Variants in BROX observed in about 807,000 individuals in gnomAD.
BROX encodes BRO1 domain-containing protein BROX.
A neutral mutation model predicts 61.0 loss-of-function variants in BROX; 53 were observed. The ratio of observed to expected loss-of-function variants is 0.87; its 90% CI spans 0.70 to 1.09. The LOEUF is 1.09. Ranked by LOEUF, BROX falls within the 50% of genes least tolerant of loss-of-function variation. BROX has a pLI of 0.00. For missense variants in BROX, 489 were observed against 472.0 expected (o/e 1.04, Z -0.33); for synonymous variants, 152 against 160.2 (o/e 0.95, Z 0.38).
chr1:222,734,184 TTAGA>T lies in BROX; in HGVS notation c.*1474_*1477del, dbSNP rs547041632. 10 of 152,192 alleles carry T rather than the reference TTAGA, an allele frequency of 6.6e-5. No individual in the cohort carries two copies. The highest frequency in any genetic ancestry group is 2.6e-4 in the Admixed American group (4 of 15,278). The allele number at this position is 152,192 out of a possible 1,614,324, so 9.4% of individuals were successfully genotyped here. A position where few individuals can be genotyped will look rare whatever the true frequency, so the allele number is the denominator to read the frequency against. On this transcript the variant is annotated 3_prime_UTR_variant, in exon 13 of 13. Transcript: ENST00000340934. ...ATCTTTTGATTATTCTCCTGAGGCA[TTAGA>T]TAGTTTTTCTATTATAAGTGACAGA...
At chr1:222,725,045 G>C (rs1001450338) in intron 6 of BROX, among the ~76,000 whole-genome samples, 1 of 151,932 alleles carries the variant, frequency 6.6e-6, no homozygotes, top group Non-Finnish European at 1.5e-5. Context: ...CACCTGCCTC[G>C]GCCTCCCAAA....
intron 4 of BROX, among the ~76,000 whole-genome samples, 159 bp downstream of exon 4, chr1:222,719,518 G>C (rs1209554140): frequency 6.6e-6 from 1 of 152,140 alleles, no homozygotes; most frequent in Non-Finnish European, 1.5e-5. Context: ...CTCAATCCTA[G>C]TACATAATAA....
intron 11 of BROX, 97 bp downstream of exon 11, chr1:222,730,274 C>G (rs1657840377): frequency 1.1e-6 from 1 of 920,564 alleles, no homozygotes; most frequent in Non-Finnish European, 1.5e-6. Context: ...CTGTTAGTCT[C>G]TATTCCCAAA....
chr1:222,715,537 G>A (rs555367823), intron 1 of BROX, 147 bp from the exon 2 acceptor site: 115 of 348,624 alleles, frequency 3.3e-4, no homozygotes, highest in African/African-American at 1.9e-3. Context: ...GTGAAACCCC[G>A]TCTCTACTAA....
intron 10 of BROX, 151 bp downstream of exon 10, chr1:222,729,852 G>A: frequency 1.9e-6 from 2 of 1,057,518 alleles, no homozygotes; most frequent in Non-Finnish European, 2.7e-6. Flanking sequence ...AAATGTTTCA[G>A]AAACCTAGAA....
In BROX at chr1:222,719,186, T is replaced by C. The variant is rs370537093; in HGVS notation, c.209-77T>C. 13 of 1,320,378 alleles carry C rather than the reference T, an allele frequency of 9.8e-6. No homozygotes were observed. The South Asian group carries it at 1.1e-4, about 12-fold the overall frequency. 81.8% of individuals were successfully genotyped at this position (1,320,378 alleles called of 1,614,324 possible). A position where few individuals can be genotyped will look rare whatever the true frequency, so the allele number is the denominator to read the frequency against. ...CATTCAGACACCTGGAAAAGTAATC[T>C]GAAAATTTTTCCAAACAGAACACTC... On this transcript the variant is annotated intron_variant, in intron 3 of 12. Transcript: ENST00000340934.
chr1:222,727,346 C>T, intron 8 of BROX, 89 bp downstream of exon 8: 2 of 918,128 alleles, frequency 2.2e-6, no homozygotes, highest in Admixed American at 2.4e-5. Context: ...AAAGGGTTCT[C>T]AGATTCTGTC....
Position 222,724,124 on chromosome 1 carries a change from G to A in BROX, c.434G>A (p.Arg145Gln), listed in dbSNP as rs779543560. Reference protein sequence around the residue: ...ITEDEAKEVHRSLKIAAGIFK... With the variant: ...ITEDEAKEVHQSLKIAAGIFK... ...GAAGATGAAGCAAAAGAAGTTCATCGAAGCCTAAAGATTGCAGCTGGGATT... is the reference window on the plus strand; with the variant it reads ...GAAGATGAAGCAAAAGAAGTTCATCAAAGCCTAAAGATTGCAGCTGGGATT... The change falls in exon 6 of 13, where the codon CGA becomes CAA. Residue 145 changes from arginine (R) to glutamine (Q), a missense_variant. By Grantham distance (43) the Arg-to-Gln change is conservative (BLOSUM62 1). Coordinates refer to ENST00000340934, the MANE Select transcript of BROX (RefSeq NM_144695.4). 19 of 1,611,400 alleles carry A rather than the reference G, an allele frequency of 1.2e-5. No individual in the cohort carries two copies. Among genetic ancestry groups the A allele is most frequent in the South Asian group, 3.3e-5 (3 of 90,400 alleles).
intron 2 of BROX, 71 bp from the exon 3 acceptor site, chr1:222,718,854 C>T: frequency 1.6e-6 from 2 of 1,257,436 alleles, no homozygotes; most frequent in Non-Finnish European, 2.3e-6. Context: ...TACATTGAAA[C>T]CTGGAAGCCA....
chr1:222,718,915 C>T lies in BROX; in HGVS notation c.102-10C>T. ...AGCTAACTTTACTGTCTTTTTGTAT[C>T]TCTTATAAGTGACTTGAGGTCATCC... On this transcript the variant is annotated splice_polypyrimidine_tract_variant and intron_variant, in intron 2 of 12. Transcript: ENST00000340934. 6.2e-7 allele frequency: 1 copy of T among 1,607,190 alleles called. No individual in the cohort carries two copies. Among genetic ancestry groups the T allele is most frequent in the South Asian group, 1.1e-5 (1 of 90,540 alleles).
intron 4 of BROX, among the ~76,000 whole-genome samples, chr1:222,722,200 A>C (rs1453907209): frequency 1.3e-5 from 2 of 148,560 alleles, no homozygotes; most frequent in African/African-American, 4.9e-5. Context: ...TCCCATGCTT[A>C]TTATTAAGTA....
At chr1:222,723,267 A>G (rs1048510232) in intron 5 of BROX, among the ~76,000 whole-genome samples, 4 of 152,190 alleles carry the variant, frequency 2.6e-5, no homozygotes, top group Admixed American at 6.5e-5. Context: ...TTTATATACA[A>G]ATGTCTGTAA....
rs756091573 is a variant in BROX at position 222,725,512 on chromosome 1, C to G, written c.537C>G (p.Leu179=). The change falls in exon 7 of 13, where the codon CTC becomes CTG. Residue 179 remains leucine, a synonymous_variant. Coordinates refer to ENST00000340934, the MANE Select transcript of BROX (RefSeq NM_144695.4). ...AAGGAAGAGATTTAGAGTCACGACT[C>G]ATAGAAGCATACGTTATTCAATGTC... is the stretch of plus-strand genomic sequence containing the variant. ...AEKGRDLESR[L]IEAYVIQCQA... 1 of 1,613,200 alleles carries G rather than the reference C, an allele frequency of 6.2e-7. No homozygotes were observed. The highest frequency in any genetic ancestry group is 1.1e-5 in the South Asian group (1 of 90,914).
At chr1:222,725,792 C>T (rs1657456996) in intron 7 of BROX, among the ~76,000 whole-genome samples, 1 of 152,032 alleles carries the variant, frequency 6.6e-6, no homozygotes, top group Non-Finnish European at 1.5e-5. Context: ...TTCCTGTAGT[C>T]CCAGCTTCCC....
rs1658052559 is a variant in BROX, at chr1:222,733,011, C to A, written c.*297C>A. 9.2e-6 allele frequency: 2 copies of A among 218,082 alleles called. No homozygotes were observed. The highest frequency in any genetic ancestry group is 1.8e-5 in the Non-Finnish European group (2 of 114,068). 13.5% of individuals were successfully genotyped at this position (218,082 alleles called of 1,614,324 possible). ...CTCTGGATAGTAATAAGTTTCAGGT[C>A]AGTATAGGCCCGAATCATGTGGTTT... On this transcript the variant is annotated 3_prime_UTR_variant, in exon 13 of 13. Transcript: ENST00000340934.
At chr1:222,727,099 A>G (rs1247506005) in intron 7 of BROX, 69 bp from the exon 8 acceptor site, 2 of 1,059,192 alleles carry the variant, frequency 1.9e-6, no homozygotes, top group Non-Finnish European at 1.4e-6. Flanking sequence ...GTCTTTTGCT[A>G]TTATAATTGA....
chr1:222,732,713 A>G lies in BROX; in HGVS notation c.1235A>G (p.Ter412=). 6.2e-7 allele frequency: 1 copy of G among 1,605,798 alleles called. No homozygotes were observed. The highest frequency in any genetic ancestry group is 1.3e-5 in the African/African-American group (1 of 74,794). ...PQKDTGCYIS[*] Reference sequence around the variant, plus strand: ...AAGGACACTGGGTGCTACATCTCCTAAAATACAACTTGCACTTAGAATTTC... The same window carrying G: ...AAGGACACTGGGTGCTACATCTCCTGAAATACAACTTGCACTTAGAATTTC... Residue 412 remains the stop codon, a stop_retained_variant, in exon 13 of 13, where the codon TAA becomes TGA. Coordinates refer to ENST00000340934, the MANE Select transcript of BROX (RefSeq NM_144695.4).
rs947593373 is a variant in BROX at position 222,713,557 on chromosome 1, G to C, written c.-17+615G>C. The C allele has an allele frequency of 3.8e-5, 22 of 576,156 alleles. No homozygotes were observed. In the South Asian group the frequency reaches 4.5e-4, roughly 12 times the overall value. The allele number at this position is 576,156 out of a possible 1,614,324, so 35.7% of individuals were successfully genotyped here. On this transcript the variant is annotated intron_variant, in intron 1 of 12. Transcript: ENST00000340934. ...TCTAAAGGCACCCTTGTCCCTGCGG[G>C]TGGGTGTGTCGTTCTTCTATCCCAC...
At chr1:222,716,168 G>A (rs143409551) in intron 2 of BROX, among the ~76,000 whole-genome samples, 1 of 151,874 alleles carries the variant, frequency 6.6e-6, no homozygotes, top group Non-Finnish European at 1.5e-5. Flanking sequence ...GCTTGATCTC[G>A]GCTTACTGCA....
Sources: gnomAD v4.1 joint callset for allele counts (sites outside exome capture counted in the v4.1 genomes callset) on GRCh38, gnomAD v4.1.1 for gene constraint, MANE v1.5 for transcripts, NCBI Gene and HGNC (gene_info 2026-07-23, HGNC 2026-07-21) for gene names.